Variants in PHEX observed in about 807,000 individuals in gnomAD.
PHEX encodes phosphate-regulating neutral endopeptidase PHEX.
In PHEX, 16 loss-of-function variants were observed where a neutral mutation model predicts 68.0. The observed-to-expected ratio is 0.24, with a 90% CI of 0.16 to 0.36. The LOEUF is 0.36. Ranked by LOEUF, PHEX falls within the 10% of genes least tolerant of loss-of-function variation. The pLI is 1.00. For synonymous variants in PHEX, 208 were observed against 205.1 expected (o/e 1.01, Z -0.12); for missense variants, 480 against 575.5 (o/e 0.83, Z 1.70).
chrX:22,083,777 G>A (rs1163237264), intron 5 of PHEX, among the ~76,000 whole-genome samples: 3 of 111,877 alleles, frequency 2.7e-5, no homozygotes, highest in Admixed American at 9.5e-5. Context: ...TGTTATCTCT[G>A]TACAAGGCTA....
intron 8 of PHEX, chrX:22,097,687 T>C: frequency 3.0e-6 from 2 of 661,187 alleles, no homozygotes; most frequent in Non-Finnish European, 3.6e-6. Flanking sequence ...ACTTTTAGAG[T>C]AGCCAATCTA....
intron 1 of PHEX, among the ~76,000 whole-genome samples, chrX:22,035,101 A>G (rs1217605062): frequency 1.8e-5 from 2 of 109,815 alleles, no homozygotes; most frequent in East Asian, 5.8e-4. Flanking sequence ...TTTGTGGTAT[A>G]TTTCTCTGCC....
At chrX:22,049,800 T>C (rs1376874323) in intron 3 of PHEX, among the ~76,000 whole-genome samples, 2 of 110,632 alleles carry the variant, frequency 1.8e-5, no homozygotes, top group African/African-American at 6.6e-5. Context: ...GAGGGAGAGA[T>C]TGCAGTGAGC....
At chrX:22,199,282 A>C (rs1237398605) in intron 15 of PHEX, among the ~76,000 whole-genome samples, 1 of 111,532 alleles carries the variant, frequency 9.0e-6, no homozygotes, top group African/African-American at 3.3e-5. Context: ...AACTTAGGCA[A>C]TGACAGGGGT....
intron 12 of PHEX, among the ~76,000 whole-genome samples, chrX:22,147,706 G>A (rs1932754503): frequency 9.0e-6 from 1 of 111,176 alleles, no homozygotes; most frequent in Admixed American, 9.6e-5. Context: ...GAAAGATTTG[G>A]GGTTGGAAAA....
intron 20 of PHEX, among the ~76,000 whole-genome samples, chrX:22,230,226 GC>G (rs1935668311): frequency 1.5e-5 from 1 of 65,193 alleles, no homozygotes; most frequent in Non-Finnish European, 2.8e-5. Context: ...GGCTATATGG[GC>G]TCTTTTTTTT....
rs961333795 is a variant in PHEX, at chrX:22,211,773, G to C, written c.1646-1131G>C. 1.3e-4 allele frequency among the ~76,000 whole-genome samples: 15 copies of C among 112,377 alleles called. No individual in the cohort carries two copies. In the Admixed American group the frequency reaches 1.4e-3, roughly 11 times the overall value. On this transcript the variant is annotated intron_variant, in intron 15 of 21. Coordinates refer to ENST00000379374, the MANE Select transcript of PHEX (RefSeq NM_000444.6). ...AGGTAAGAGGTTTAATGGACTTACA[G>C]TTCCACATGGCTGAGGAGGCCTCAC...
intron 3 of PHEX, among the ~76,000 whole-genome samples, chrX:22,052,290 C>T (rs1035231916): frequency 3.6e-5 from 4 of 112,475 alleles, no homozygotes; most frequent in East Asian, 2.8e-4. Context: ...TGCAGTAGCA[C>T]GATTTCAGCT....
At chrX:22,106,348 T>G (rs1930684628) in intron 9 of PHEX, among the ~76,000 whole-genome samples, 1 of 112,005 alleles carries the variant, frequency 8.9e-6, no homozygotes, top group African/African-American at 3.2e-5. Flanking sequence ...GTCTGGTTGT[T>G]ATGCTATCAC....
At chrX:22,048,552 T>C (rs1304218502) in intron 3 of PHEX, among the ~76,000 whole-genome samples, 1 of 111,943 alleles carries the variant, frequency 8.9e-6, no homozygotes, top group East Asian at 2.8e-4. Context: ...CTACAAGATT[T>C]CCAGGCATAT....
intron 15 of PHEX, among the ~76,000 whole-genome samples, chrX:22,196,808 G>C (rs1019984401): frequency 2.7e-5 from 3 of 111,834 alleles, no homozygotes; most frequent in African/African-American, 9.7e-5. Flanking sequence ...TTTCCCCTCA[G>C]TTTAATCACA....
chrX:22,062,957 C>T (rs1569375474), intron 3 of PHEX, among the ~76,000 whole-genome samples: 1 of 111,001 alleles, frequency 9.0e-6, no homozygotes, highest in Non-Finnish European at 1.9e-5. Context: ...GACGGGGTTT[C>T]ACCATGTTGG....
In PHEX at chrX:22,227,284, T is replaced by C. The variant is rs558043219; in HGVS notation, c.1966-223T>C. 1.6e-3 allele frequency among the ~76,000 whole-genome samples: 176 copies of C among 112,810 alleles called. 2 individuals are homozygous for C. Among genetic ancestry groups the C allele is most frequent in the African/African-American group, 5.3e-3 (166 of 31,149 alleles). On this transcript the variant is annotated intron_variant, in intron 19 of 21. Transcript: ENST00000379374. ...CTCCAAGAGTTATTTAACATCTGAATGCTTTGGTCCAGCTGCTTTGGTATA... is the reference window on the plus strand; with the variant it reads ...CTCCAAGAGTTATTTAACATCTGAACGCTTTGGTCCAGCTGCTTTGGTATA...
intron 1 of PHEX, among the ~76,000 whole-genome samples, chrX:22,036,993 G>T (rs1927054885): frequency 9.3e-6 from 1 of 107,313 alleles, no homozygotes; most frequent in Non-Finnish European, 1.9e-5. Flanking sequence ...CAGCTACTCG[G>T]GAGGCTGAGG....
intron 15 of PHEX, among the ~76,000 whole-genome samples, chrX:22,194,817 G>A (rs749786479): frequency 1.8e-5 from 2 of 111,475 alleles, no homozygotes; most frequent in Non-Finnish European, 1.9e-5. Flanking sequence ...GGGTAGCAAC[G>A]TCTCTAGACA....
intron 7 of PHEX, among the ~76,000 whole-genome samples, chrX:22,096,157 T>C (rs1042815454): frequency 1.8e-5 from 2 of 111,683 alleles, no homozygotes; most frequent in African/African-American, 6.5e-5. Context: ...AATTAGATGA[T>C]GGAAGGCCCG....
intron 14 of PHEX, among the ~76,000 whole-genome samples, chrX:22,187,351 G>A (rs1052888934): frequency 6.3e-5 from 7 of 111,678 alleles, no homozygotes; most frequent in African/African-American, 2.0e-4. Context: ...TTTGTTCTCA[G>A]AGGGATTTAT....
rs1936473008 is a variant in PHEX at position 22,248,938 on chromosome X, CAAAGGA to C, written c.*987_*992del. On this transcript the variant is annotated 3_prime_UTR_variant, in exon 22 of 22. Transcript: ENST00000379374. ...ATATGATTTTCATTTCCCTTTAGTGCAAAGGAACAAACATCACATTGAGGAGGGAGA... is the reference window on the plus strand; with the variant it reads ...ATATGATTTTCATTTCCCTTTAGTGCACAAACATCACATTGAGGAGGGAGA... The C allele has an allele frequency of 2.4e-5, 2 of 83,858 alleles. No individual in the cohort carries two copies. The highest frequency in any genetic ancestry group is 5.8e-5 in the Non-Finnish European group (2 of 34,666). 6.9% of individuals were successfully genotyped at this position (83,858 alleles called of 1,213,427 possible).
chrX:22,226,347 T>G (rs772227694), intron 18 of PHEX, 96 bp from the exon 19 acceptor site: 2 of 612,217 alleles, frequency 3.3e-6, no homozygotes, highest in Non-Finnish European at 5.5e-6. Context: ...TAAAATATGA[T>G]ACTTTTCTTG....
Sources: gnomAD v4.1 joint callset for allele counts (sites outside exome capture counted in the v4.1 genomes callset) on GRCh38, gnomAD v4.1.1 for gene constraint, MANE v1.5 for transcripts, NCBI Gene and HGNC (gene_info 2026-07-23, HGNC 2026-07-21) for gene names.